The following TXNDC8 variants were observed in gnomAD, a reference collection of about 807,000 sequenced individuals.
The protein encoded by TXNDC8 is thioredoxin domain containing 8.
Under a neutral mutation model 12.9 loss-of-function variants are expected in TXNDC8, and 15 were observed. The ratio of observed to expected loss-of-function variants is 1.16; its 90% CI spans 0.78 to 1.79. The LOEUF is 1.79. Among genes scored for constraint, TXNDC8 ranks in the 40% most tolerant of loss-of-function variants. The pLI is 0.00. For synonymous variants in TXNDC8, 40 were observed against 35.4 expected, an observed-to-expected ratio of 1.13 and a Z score of -0.46; for missense variants, 128 against 113.2, an observed-to-expected ratio of 1.13 and a Z score of -0.59.
At chr9:110,333,604 G>A (rs1839629450) in intron 2 of TXNDC8, among the ~76,000 whole-genome samples, 1 of 152,100 alleles carries the variant, frequency 6.6e-6, no homozygotes, top group African/African-American at 2.4e-5. Context: ...AAAAGCAGAT[G>A]TACACAAGGT....
At chr9:110,307,653 TC>T (rs1447962364) in intron 3 of TXNDC8, among the ~76,000 whole-genome samples, 17 of 152,348 alleles carry the variant, frequency 1.1e-4, no homozygotes, top group African/African-American at 3.8e-4. Context: ...TGCCTCCCAT[TC>T]TTTTCAAAGT....
intron 3 of TXNDC8, among the ~76,000 whole-genome samples, chr9:110,321,163 A>G (rs35486443): frequency 0.023 from 3,516 of 152,302 alleles, 118 homozygotes; most frequent in African/African-American, 0.08. Flanking sequence ...ATCAAGGGGA[A>G]GAAAAAATAA....
chr9:110,316,521 C>T (rs1440456774), intron 3 of TXNDC8, among the ~76,000 whole-genome samples: 1 of 152,120 alleles, frequency 6.6e-6, no homozygotes, highest in East Asian at 1.9e-4. Flanking sequence ...CTGCAAGGGG[C>T]TTGATTAAAG....
intron 3 of TXNDC8, among the ~76,000 whole-genome samples, chr9:110,316,944 C>T (rs1838905927): frequency 6.6e-6 from 1 of 152,172 alleles, no homozygotes; most frequent in South Asian, 2.1e-4. Flanking sequence ...GGCTGTGTTC[C>T]AGTGAAAGTT....
At chr9:110,304,807 GA>G (rs1190384441) in intron 3 of TXNDC8, among the ~76,000 whole-genome samples, 2 of 152,186 alleles carry the variant, frequency 1.3e-5, no homozygotes, top group African/African-American at 4.8e-5. Flanking sequence ...TGAATGACCA[GA>G]CTTGGCAGGA....
intron 2 of TXNDC8, among the ~76,000 whole-genome samples, chr9:110,330,660 C>A (rs888466666): frequency 6.6e-6 from 1 of 152,198 alleles, no homozygotes; most frequent in Non-Finnish European, 1.5e-5. Context: ...CCCTGTGGAC[C>A]AAATCCATCC....
At chr9:110,329,884 A>G (rs1353391442) in intron 2 of TXNDC8, among the ~76,000 whole-genome samples, 1 of 152,170 alleles carries the variant, frequency 6.6e-6, no homozygotes, top group Non-Finnish European at 1.5e-5. Flanking sequence ...GCTGACTTCC[A>G]ATTAGCTTCT....
intron 3 of TXNDC8, among the ~76,000 whole-genome samples, chr9:110,311,520 GGTATATATATATATATATATAT>G (rs1838662076): frequency 6.0e-5 from 1 of 16,534 alleles, no homozygotes; most frequent in African/African-American, 1.9e-4. Context: ...AAAATAAAGA[GGTATATATATATATATATATAT>G]ATATATATAT....
chr9:110,328,803 TC>T lies in TXNDC8; in HGVS notation c.130-2564del, dbSNP rs914591274. Among the ~76,000 whole-genome samples the T allele has an allele frequency of 1.1e-3, 168 of 152,268 alleles. 1 individual carries two copies. Among genetic ancestry groups the T allele is most frequent in the African/African-American group, 3.8e-3 (159 of 41,550 alleles). On this transcript the variant is annotated intron_variant, in intron 2 of 4. Transcript: ENST00000423740. ...CCTGGGTAACAAGAGTGAAACTCTG[TC>T]CCCCACCCCCCAAATAAAGAAATTG...
chr9:110,325,817 C>T (rs896118961), intron 3 of TXNDC8, among the ~76,000 whole-genome samples: 1 of 152,136 alleles, frequency 6.6e-6, no homozygotes, highest in Non-Finnish European at 1.5e-5. Flanking sequence ...CCGCGCCCGG[C>T]CTGCAACTTG....
Position 110,303,595 on chromosome 9 carries a change from T to C in TXNDC8, c.*87A>G. On this transcript the variant is annotated 3_prime_UTR_variant, in exon 5 of 5. Coordinates refer to ENST00000423740, the MANE Select transcript of TXNDC8 (RefSeq NM_001286946.2). ...CAAAACTCAAAAATCTGTTCACAAA[T>C]GCACAAAGGTGAAACATTTATTGAT... The C allele has an allele frequency of 1.3e-6, 2 of 1,555,768 alleles. No individual in the cohort carries two copies. Among genetic ancestry groups the C allele is most frequent in the Non-Finnish European group, 1.7e-6 (2 of 1,146,340 alleles).
intron 2 of TXNDC8, among the ~76,000 whole-genome samples, chr9:110,329,828 G>C (rs545693309): frequency 3.3e-5 from 5 of 152,172 alleles, no homozygotes; most frequent in Non-Finnish European, 5.9e-5. Flanking sequence ...CCGTCTCTCT[G>C]TGCTCTACTA....
chr9:110,331,618 G>C (rs540364256), intron 2 of TXNDC8, among the ~76,000 whole-genome samples: 1 of 151,714 alleles, frequency 6.6e-6, no homozygotes, highest in African/African-American at 2.4e-5. Context: ...CCAGGGACCA[G>C]TTTCATGGAA....
intron 1 of TXNDC8, 110 bp from the exon 2 acceptor site, chr9:110,334,430 G>T: frequency 2.1e-6 from 2 of 934,926 alleles, no homozygotes; most frequent in Non-Finnish European, 3.3e-6. Context: ...TTTTTTTAAA[G>T]CCAGGTTATC....
chr9:110,304,221 G>C (rs1259069334), intron 4 of TXNDC8, among the ~76,000 whole-genome samples: 1 of 152,168 alleles, frequency 6.6e-6, no homozygotes, highest in Non-Finnish European at 1.5e-5. Flanking sequence ...GTTGGGATTG[G>C]GTGAAAACTT....
chr9:110,302,266 G>T (rs1009821123), downstream of TXNDC8, among the ~76,000 whole-genome samples: 2 of 151,758 alleles, frequency 1.3e-5, no homozygotes, highest in Admixed American at 1.3e-4. Flanking sequence ...CTCTCAAGCA[G>T]CTGGGACTAC....
chr9:110,324,013 C>T lies in TXNDC8; in HGVS notation c.195+2162G>A, dbSNP rs1251374564. Reference sequence around the variant, plus strand: ...CTGGAGATGGAGCCCTAAGGAAGTACATGGGATAAGAATGCAAAAGGGAGT... The same window carrying T: ...CTGGAGATGGAGCCCTAAGGAAGTATATGGGATAAGAATGCAAAAGGGAGT... On this transcript the variant is annotated intron_variant, in intron 3 of 4. Transcript: ENST00000423740. 10 of 1,549,020 alleles carry T rather than the reference C, an allele frequency of 6.5e-6. No homozygotes were observed. The Admixed American group carries it at 1.4e-4, about 21-fold the overall frequency.
At chr9:110,329,846 A>T (rs1277737729) in intron 2 of TXNDC8, among the ~76,000 whole-genome samples, 1 of 152,140 alleles carries the variant, frequency 6.6e-6, no homozygotes, top group Non-Finnish European at 1.5e-5. Flanking sequence ...CTATGTGTGG[A>T]AACTAGATTT....
chr9:110,311,523 A>G (rs566228349), intron 3 of TXNDC8, among the ~76,000 whole-genome samples: 49 of 87,758 alleles, frequency 5.6e-4, no homozygotes, highest in African/African-American at 2.6e-3. Context: ...ATAAAGAGGT[A>G]TATATATATA....
Sources: allele counts gnomAD v4.1 joint callset (sites outside exome capture counted in the v4.1 genomes callset), GRCh38; gene constraint gnomAD v4.1.1; transcripts MANE v1.5; gene names NCBI Gene and HGNC (gene_info 2026-07-23, HGNC 2026-07-21).